UVRAG: variants seen among roughly 807,000 people sequenced by gnomAD.
The protein encoded by UVRAG is UV radiation resistance-associated gene protein.
A neutral mutation model predicts 78.0 loss-of-function variants in UVRAG; 19 were observed. The ratio of observed to expected loss-of-function variants is 0.24; its 90% CI spans 0.17 to 0.36. UVRAG has a LOEUF of 0.36. UVRAG is among the 10% of genes least tolerant of loss of function. The pLI, the probability that UVRAG is intolerant of heterozygous loss-of-function variation, is 1.00. For missense variants in UVRAG, 740 were observed against 853.8 expected (o/e 0.87, Z 1.66); for synonymous variants, 323 against 324.6 (o/e 1.00, Z 0.05).
At chr11:76,099,517 TG>T (rs1951843401) in intron 13 of UVRAG, among the ~76,000 whole-genome samples, 1 of 152,204 alleles carries the variant, frequency 6.6e-6, no homozygotes. Context: ...AGATCCTATT[TG>T]TATGTTAAGT....
rs147510628 is a variant in UVRAG, at chr11:76,011,527, A to C, written c.1060+2660A>C. ...GTAATCTCAGCTACTTGGGAGGCTG[A>C]GGCACGAGAATCACTTGAACCCAGA... is the stretch of plus-strand genomic sequence containing the variant. On this transcript the variant is annotated intron_variant, in intron 11 of 14. Transcript: ENST00000356136. Among the ~76,000 whole-genome samples the C allele has an allele frequency of 9.4e-3, 1,429 of 152,300 alleles. 20 individuals carry two copies. Among genetic ancestry groups the C allele is most frequent in the African/African-American group, 0.033 (1,373 of 41,550 alleles).
intron 11 of UVRAG, among the ~76,000 whole-genome samples, chr11:76,009,116 TAGAC>T (rs1020687677): frequency 2.0e-5 from 3 of 152,138 alleles, no homozygotes; most frequent in African/African-American, 7.2e-5. Context: ...TTAAGCAAAT[TAGAC>T]AGTCAGGTTC....
rs1487257591 is a variant in UVRAG at position 75,828,699 on chromosome 11, A to G, written c.117+13175A>G. Among the ~76,000 whole-genome samples the G allele has an allele frequency of 5.4e-3, 40 of 7,340 alleles. 1 individual carries two copies. Among genetic ancestry groups the G allele is most frequent in the Non-Finnish European group, 0.011 (12 of 1,106 alleles). The allele number at this position is 7,340 out of a possible 152,430, so 4.8% of individuals were successfully genotyped here. On this transcript the variant is annotated intron_variant, in intron 1 of 14. Coordinates refer to ENST00000356136, the MANE Select transcript of UVRAG (RefSeq NM_003369.4). ...TATATACACATATACATGTGTGTGT[A>G]TATATATATATGTGTATATATATGT...
intron 12 of UVRAG, among the ~76,000 whole-genome samples, chr11:76,035,623 T>C (rs1950518610): frequency 6.6e-6 from 1 of 152,198 alleles, no homozygotes; most frequent in Non-Finnish European, 1.5e-5. Context: ...AATTAGTACA[T>C]AGTATGTGAC....
intron 1 of UVRAG, among the ~76,000 whole-genome samples, chr11:75,828,770 TA>T (rs1565333933): frequency 7.9e-5 from 9 of 113,992 alleles, no homozygotes; most frequent in African/African-American, 3.4e-4. Flanking sequence ...TATATATATA[TA>T]TATACACACA....
At chr11:76,082,726 A>G (rs1286506906) in intron 13 of UVRAG, among the ~76,000 whole-genome samples, 1 of 152,092 alleles carries the variant, frequency 6.6e-6, no homozygotes, top group African/African-American at 2.4e-5. Context: ...TCTTAGCTTT[A>G]CACATAAGAA....
chr11:76,038,322 C>T (rs1164162095), intron 12 of UVRAG, among the ~76,000 whole-genome samples: 1 of 151,932 alleles, frequency 6.6e-6, no homozygotes, highest in Admixed American at 6.6e-5. Flanking sequence ...TCAGCACCTG[C>T]TTCCTTTCAA....
At position 75,983,466 on chromosome 11, in the gene UVRAG, G is replaced by A. The variant is rs1340137554; in HGVS notation, c.779G>A (p.Arg260Gln). 5.0e-6 allele frequency: 8 copies of A among 1,610,668 alleles called. No individual in the cohort carries two copies. The East Asian group carries it at 6.7e-5, about 13-fold the overall frequency. The change falls in exon 8 of 15, where the codon CGG becomes CAG. Residue 260 changes from arginine to glutamine, a missense_variant. Physicochemically the swap from Arg to Gln is conservative, Grantham distance 43. Coordinates refer to ENST00000356136, the MANE Select transcript of UVRAG (RefSeq NM_003369.4). ...GAACGGCAGAAGAAAGCTTTGGGAC[G>A]GGAGGTGGCATTACTGCATAAGCAA... Reference protein sequence around the residue: ...ELERQKKALGREVALLHKQQI... With the variant: ...ELERQKKALGQEVALLHKQQI...
chr11:76,085,945 C>G (rs1395271196), intron 13 of UVRAG, among the ~76,000 whole-genome samples: 1 of 152,124 alleles, frequency 6.6e-6, no homozygotes, highest in African/African-American at 2.4e-5. Flanking sequence ...ACCCAGTGCC[C>G]TCATTCTACT....
In UVRAG at chr11:76,076,835, A is replaced by ATTTATTT. The variant is rs1565150618; in HGVS notation, c.1305+11047_1305+11048insTTTATTT. 5.4e-3 allele frequency among the ~76,000 whole-genome samples: 602 copies of ATTTATTT among 112,502 alleles called. 4 individuals are homozygous for ATTTATTT. The highest frequency in any genetic ancestry group is 0.032 in the African/African-American group (579 of 18,252). The allele number at this position is 112,502 out of a possible 152,430, so 73.8% of individuals were successfully genotyped here. A position where few individuals can be genotyped will look rare whatever the true frequency, so the allele number is the denominator to read the frequency against. ...TTATTTATTTATTTATTTATTTATT[A>ATTTATTT]GAGGCAGATGACAAGACCCCATAAT... On this transcript the variant is annotated intron_variant, in intron 13 of 14. Transcript: ENST00000356136.
intron 1 of UVRAG, among the ~76,000 whole-genome samples, chr11:75,826,787 G>T (rs1945522082): frequency 1.3e-5 from 2 of 150,622 alleles, no homozygotes; most frequent in South Asian, 4.2e-4. Flanking sequence ...TTTTTTGATG[G>T]TTTTATTCTG....
At chr11:76,007,749 C>A in intron 10 of UVRAG, 128 bp downstream of exon 10, 2 of 697,142 alleles carry the variant, frequency 2.9e-6, no homozygotes, top group Non-Finnish European at 2.4e-6. Flanking sequence ...CATTCAGGAG[C>A]TAATGTCTAT....
In UVRAG at chr11:76,020,649, C is replaced by CTTTT. The variant is rs35112254; in HGVS notation, c.1226+3690_1226+3693dup. On this transcript the variant is annotated intron_variant, in intron 12 of 14. Transcript: ENST00000356136. ...CTCCCAACAAGCAGAAAGAAGGAGT[C>CTTTT]TTTTTTTTTTTTTTTTTTTTTTTTG... 1.7e-3 allele frequency among the ~76,000 whole-genome samples: 90 copies of CTTTT among 52,272 alleles called. 1 individual carries two copies. The highest frequency in any genetic ancestry group is 6.0e-3 in the African/African-American group (80 of 13,364). The allele number at this position is 52,272 out of a possible 152,430, so 34.3% of individuals were successfully genotyped here.
chr11:75,892,273 C>T (rs1467550464), intron 5 of UVRAG: 1 of 942,784 alleles, frequency 1.1e-6, no homozygotes, highest in Non-Finnish European at 1.3e-6. Context: ...CAGTCATCTG[C>T]TGGTCCTGGA....
intron 13 of UVRAG, among the ~76,000 whole-genome samples, chr11:76,099,202 A>G (rs1239513746): frequency 6.6e-6 from 1 of 152,284 alleles, no homozygotes; most frequent in Non-Finnish European, 1.5e-5. Context: ...ACTACCACAC[A>G]CTTGGCATGA....
intron 8 of UVRAG, among the ~76,000 whole-genome samples, chr11:75,992,570 C>G (rs571368678): frequency 3.9e-5 from 6 of 151,968 alleles, no homozygotes; most frequent in African/African-American, 1.5e-4. Context: ...CTGTGGTGAT[C>G]GGCACTGGGG....
intron 1 of UVRAG, among the ~76,000 whole-genome samples, chr11:75,831,828 A>C (rs1945665526): frequency 6.6e-6 from 1 of 152,216 alleles, no homozygotes; most frequent in African/African-American, 2.4e-5. Flanking sequence ...TAATACACCT[A>C]ACCTCTCGAA....
At chr11:76,071,811 G>A (rs1338903047) in intron 13 of UVRAG, among the ~76,000 whole-genome samples, 1 of 152,150 alleles carries the variant, frequency 6.6e-6, no homozygotes, top group Non-Finnish European at 1.5e-5. Context: ...AAAAAGGAAT[G>A]TCAAGAATGA....
intron 14 of UVRAG, among the ~76,000 whole-genome samples, chr11:76,138,438 A>T (rs2134513393): frequency 6.6e-6 from 1 of 152,342 alleles, no homozygotes; most frequent in African/African-American, 2.4e-5. Flanking sequence ...GTAGTTGGCA[A>T]GGTGGGGCAG....
Sources: allele counts gnomAD v4.1 joint callset (sites outside exome capture counted in the v4.1 genomes callset), GRCh38; gene constraint gnomAD v4.1.1; transcripts MANE v1.5; gene names NCBI Gene and HGNC (gene_info 2026-07-23, HGNC 2026-07-21).